The following WDR26 variants were observed in gnomAD, a reference collection of about 807,000 sequenced individuals.
The protein encoded by WDR26 is WD repeat-containing protein 26.
In WDR26, 5 loss-of-function variants were observed where a neutral mutation model predicts 84.1. The observed-to-expected ratio is 0.06, with a 90% CI of 0.03 to 0.13. WDR26 has a LOEUF of 0.13. Among genes scored for constraint, WDR26 ranks in the 10% least tolerant of loss-of-function variants. WDR26 has a pLI of 1.00. For missense variants in WDR26, 642 were observed against 974.9 expected (o/e 0.66, Z 4.55); for synonymous variants, 415 against 389.6 (o/e 1.07, Z -0.77).
At chr1:224,430,482 ACT>A (rs1477872145) in intron 3 of WDR26, 3 of 151,462 alleles carry the variant, frequency 2.0e-5, no homozygotes, top group South Asian at 2.1e-4. Flanking sequence ...GAGTTTGAAA[ACT>A]CTTTTGTAAT....
intron 7 of WDR26, among the ~76,000 whole-genome samples, chr1:224,408,773 C>T (rs534394071): frequency 2.6e-5 from 4 of 151,954 alleles, no homozygotes; most frequent in East Asian, 1.9e-4. Context: ...AGCTTCCCTG[C>T]GCTTTCATAA....
intron 13 of WDR26, among the ~76,000 whole-genome samples, chr1:224,391,114 C>T (rs1673111828): frequency 6.6e-6 from 1 of 151,770 alleles, no homozygotes; most frequent in African/African-American, 2.4e-5. Context: ...CCTGTAATCC[C>T]AGTACTTTGG....
At chr1:224,429,662 G>C (rs1674330045) in intron 3 of WDR26, 1 of 152,158 alleles carries the variant, frequency 6.6e-6, no homozygotes, top group Non-Finnish European at 1.5e-5. Flanking sequence ...TAAACAGTTT[G>C]ATGGCATGAG....
At chr1:224,427,103 CCAAAAAA>C (rs1270686180) in intron 3 of WDR26, among the ~76,000 whole-genome samples, 1 of 91,168 alleles carries the variant, frequency 1.1e-5, no homozygotes, top group Non-Finnish European at 2.1e-5. Context: ...AACTCTGTCT[CCAAAAAA>C]AAAAAAAAAA....
intron 9 of WDR26, among the ~76,000 whole-genome samples, chr1:224,400,039 C>T (rs1445805929): frequency 6.6e-6 from 1 of 152,092 alleles, no homozygotes; most frequent in Non-Finnish European, 1.5e-5. Flanking sequence ...ATATGAGACA[C>T]AGAATCTAGA....
At chr1:224,418,812 G>C (rs1024002572) in intron 5 of WDR26, among the ~76,000 whole-genome samples, 1 of 152,196 alleles carries the variant, frequency 6.6e-6, no homozygotes, top group Non-Finnish European at 1.5e-5. Flanking sequence ...GTTGCAATAG[G>C]TTAAGTTCTA....
chr1:224,418,477 A>G, intron 5 of WDR26, 61 bp from the exon 6 acceptor site: 1 of 1,450,358 alleles, frequency 6.9e-7, no homozygotes, highest in East Asian at 2.5e-5. Context: ...TTTATTTAAG[A>G]CATTTGCTCA....
chr1:224,404,381 T>C (rs935217756), intron 8 of WDR26, 49 bp downstream of exon 8: 2 of 1,592,530 alleles, frequency 1.3e-6, no homozygotes, highest in African/African-American at 1.4e-5. Flanking sequence ...ATATGTACAT[T>C]ATGACTATGC....
Position 224,433,603 on chromosome 1 carries a change from C to T in WDR26, c.722+81G>A, listed in dbSNP as rs1257729621. The T allele has an allele frequency of 7.6e-6, 4 of 523,914 alleles. 1 individual carries two copies. The highest frequency in any genetic ancestry group is 1.2e-5 in the Non-Finnish European group (4 of 322,216). The allele number at this position is 523,914 out of a possible 1,614,324, so 32.5% of individuals were successfully genotyped here. A position where few individuals can be genotyped will look rare whatever the true frequency, so the allele number is the denominator to read the frequency against. ...ACCGAGCTCTTTCAAGCCCCCCTCC[C>T]CCCTCCGCCCCTTCCCCTACCCCCC... is the stretch of plus-strand genomic sequence containing the variant. On this transcript the variant is annotated intron_variant, in intron 1 of 13. Transcript: ENST00000414423.
chr1:224,432,413 T>G (rs1674418584), intron 1 of WDR26, among the ~76,000 whole-genome samples: 3 of 152,254 alleles, frequency 2.0e-5, no homozygotes, highest in Admixed American at 1.3e-4. Context: ...TCTGTTTTCA[T>G]ACTAATCCTT....
intron 3 of WDR26, among the ~76,000 whole-genome samples, chr1:224,425,043 C>A (rs1482582792): frequency 6.6e-6 from 1 of 152,114 alleles, no homozygotes; most frequent in East Asian, 1.9e-4. Flanking sequence ...ATAACTAGGG[C>A]ACTGGGGGGT....
chr1:224,415,449 C>CTTTTTT (rs1673867572), intron 6 of WDR26, among the ~76,000 whole-genome samples: 1 of 102,722 alleles, frequency 9.7e-6, no homozygotes, highest in African/African-American at 4.4e-5. Flanking sequence ...ACACGTATTT[C>CTTTTTT]TTTCTTTTTT....
intron 13 of WDR26, 101 bp downstream of exon 13, chr1:224,393,727 C>A: frequency 1.0e-6 from 1 of 1,003,950 alleles, no homozygotes; most frequent in Non-Finnish European, 1.4e-6. Context: ...AAATCATATA[C>A]CACACTTTAA....
In WDR26 at chr1:224,434,009, C is replaced by G; in HGVS notation, c.397G>C (p.Ala133Pro). The change falls in exon 1 of 14, where the codon GCC becomes CCC. Residue 133 changes from alanine (A) to proline (P), a missense_variant. Physicochemically the swap from Ala to Pro is conservative, Grantham distance 27. This residue lies in a region of WDR26 where 291 missense variants were observed against 302.1 expected (regional missense o/e 0.96). Coordinates refer to ENST00000414423, the MANE Select transcript of WDR26 (RefSeq NM_001379403.1). ...TCCCCGTTCTGGGCCGACAAGCAGGCGAGTTCCGGGGTCTGTCCCTGGCCC... is the reference window on the plus strand; with the variant it reads ...TCCCCGTTCTGGGCCGACAAGCAGGGGAGTTCCGGGGTCTGTCCCTGGCCC... The G allele has an allele frequency of 6.6e-7, 1 of 1,510,704 alleles. No homozygotes were observed. Among genetic ancestry groups the G allele is most frequent in the Non-Finnish European group, 8.8e-7 (1 of 1,132,006 alleles). 93.6% of individuals were successfully genotyped at this position (1,510,704 alleles called of 1,614,324 possible). A position where few individuals can be genotyped will look rare whatever the true frequency, so the allele number is the denominator to read the frequency against.
At chr1:224,408,919 T>C (rs1330717728) in intron 7 of WDR26, among the ~76,000 whole-genome samples, 2 of 152,186 alleles carry the variant, frequency 1.3e-5, no homozygotes, top group East Asian at 1.9e-4. Flanking sequence ...CAGGGGTCTA[T>C]GAATTTAAAT....
chr1:224,410,053 G>T (rs1164228265), intron 7 of WDR26, among the ~76,000 whole-genome samples: 1 of 151,894 alleles, frequency 6.6e-6, no homozygotes, highest in Non-Finnish European at 1.5e-5. Flanking sequence ...GGCCGAGGAG[G>T]GCAGATCACC....
At position 224,419,618 on chromosome 1, in the gene WDR26, A is replaced by G; in HGVS notation, c.1065-3T>C. 6.2e-7 allele frequency: 1 copy of G among 1,610,912 alleles called. No individual in the cohort carries two copies. The highest frequency in any genetic ancestry group is 8.5e-7 in the Non-Finnish European group (1 of 1,177,258). ...CTGCATGGCTACACATCAGATACCTAAAAATACAACAGAGAAAGCAACCAA... is the reference window on the plus strand; with the variant it reads ...CTGCATGGCTACACATCAGATACCTGAAAATACAACAGAGAAAGCAACCAA... On this transcript the variant is annotated splice_polypyrimidine_tract_variant and splice_region_variant and intron_variant, in intron 4 of 13. Coordinates refer to ENST00000414423, the MANE Select transcript of WDR26 (RefSeq NM_001379403.1).
In WDR26 at chr1:224,434,751, C is replaced by T; in HGVS notation, c.-346G>A. 4.1e-6 allele frequency: 4 copies of T among 987,182 alleles called. No individual in the cohort carries two copies. The highest frequency in any genetic ancestry group is 1.1e-4 in the East Asian group (1 of 8,836). 61.2% of individuals were successfully genotyped at this position (987,182 alleles called of 1,614,324 possible). ...GCCGCCTCTGTCCTCGGATCCGCTC[C>T]GCTCTGCTCCCTGGTGTGTTGATTC... is the stretch of plus-strand genomic sequence containing the variant. On this transcript the variant is annotated 5_prime_UTR_variant, in exon 1 of 14. Transcript: ENST00000414423.
chr1:224,430,749 C>T lies in WDR26; in HGVS notation c.927+728G>A, dbSNP rs185957376. 229 of 152,290 alleles carry T rather than the reference C, an allele frequency of 1.5e-3. 1 individual carries two copies. The highest frequency in any genetic ancestry group is 5.2e-3 in the African/African-American group (215 of 41,554). 9.4% of individuals were successfully genotyped at this position (152,290 alleles called of 1,614,324 possible). Reference sequence around the variant, plus strand: ...GCTAGCAGCTGATTCTTCATGGTTTCCAAACTCCAGCATTTAGAAAAAACT... The same window carrying T: ...GCTAGCAGCTGATTCTTCATGGTTTTCAAACTCCAGCATTTAGAAAAAACT... On this transcript the variant is annotated intron_variant, in intron 3 of 13. Coordinates refer to ENST00000414423, the MANE Select transcript of WDR26 (RefSeq NM_001379403.1).
Sources: allele counts gnomAD v4.1 joint callset (sites outside exome capture counted in the v4.1 genomes callset), GRCh38; gene constraint gnomAD v4.1.1; regional missense constraint gnomAD v4.1.1; transcripts MANE v1.5; gene names NCBI Gene and HGNC (gene_info 2026-07-23, HGNC 2026-07-21).